Variants in TSPAN5 observed in about 807,000 individuals in gnomAD.
TSPAN5 encodes tetraspanin 5.
TSPAN5 carries 10 observed loss-of-function variants against 37.1 expected under a neutral mutation model. That is an observed-to-expected ratio of 0.27 (90% CI 0.17 to 0.46). TSPAN5 has a LOEUF of 0.46. Ranked by LOEUF, TSPAN5 falls within the 20% of genes least tolerant of loss-of-function variation. The pLI is 1.00. For missense variants in TSPAN5, 195 were observed against 326.6 expected (o/e 0.60, Z 3.11); for synonymous variants, 110 against 118.9 (o/e 0.93, Z 0.48).
intron 2 of TSPAN5, among the ~76,000 whole-genome samples, chr4:98,501,800 C>T (rs1053673726): frequency 3.2e-4 from 48 of 152,322 alleles, no homozygotes; most frequent in African/African-American, 1.1e-3. Flanking sequence ...GATAAGCTCA[C>T]TGGAGGGCTA....
chr4:98,648,917 C>T (rs938842856), intron 1 of TSPAN5, among the ~76,000 whole-genome samples: 5 of 152,202 alleles, frequency 3.3e-5, no homozygotes, highest in African/African-American at 1.2e-4. Flanking sequence ...TGAACCAGAT[C>T]TCCCAGTGGG....
intron 1 of TSPAN5, among the ~76,000 whole-genome samples, chr4:98,604,036 T>C (rs2110224223): frequency 6.6e-6 from 1 of 152,214 alleles, no homozygotes; most frequent in Admixed American, 6.5e-5. Context: ...CCCTGTTTGA[T>C]GCTTACTGAA....
At chr4:98,570,543 T>C (rs865858842) in intron 1 of TSPAN5, among the ~76,000 whole-genome samples, 1 of 152,132 alleles carries the variant, frequency 6.6e-6, no homozygotes, top group East Asian at 1.9e-4. Flanking sequence ...GCCTTGTCTA[T>C]AGGGCATATA....
At chr4:98,581,331 A>G (rs1469652682) in intron 1 of TSPAN5, among the ~76,000 whole-genome samples, 4 of 152,054 alleles carry the variant, frequency 2.6e-5, no homozygotes, top group African/African-American at 9.7e-5. Context: ...CCACCTCAGA[A>G]CTCCCTCACT....
chr4:98,482,274 G>C, intron 3 of TSPAN5, 99 bp from the exon 4 acceptor site: 1 of 1,038,408 alleles, frequency 9.6e-7, no homozygotes, highest in South Asian at 1.6e-5. Flanking sequence ...AATTACATTG[G>C]ATTGTTACAC....
At chr4:98,555,501 A>T (rs886237983) in intron 1 of TSPAN5, among the ~76,000 whole-genome samples, 1 of 151,976 alleles carries the variant, frequency 6.6e-6, no homozygotes, top group Non-Finnish European at 1.5e-5. Flanking sequence ...ATTCCTTCTA[A>T]TTATATCTGT....
intron 1 of TSPAN5, among the ~76,000 whole-genome samples, chr4:98,580,774 A>G (rs891179265): frequency 6.6e-6 from 1 of 152,198 alleles, no homozygotes; most frequent in Non-Finnish European, 1.5e-5. Flanking sequence ...TGCCACTGAG[A>G]CTATTTATAA....
At chr4:98,614,158 C>T (rs1756264686) in intron 1 of TSPAN5, among the ~76,000 whole-genome samples, 1 of 152,200 alleles carries the variant, frequency 6.6e-6, no homozygotes, top group African/African-American at 2.4e-5. Context: ...TTTCAAAAGT[C>T]ATTTGGTGTT....
intron 1 of TSPAN5, among the ~76,000 whole-genome samples, chr4:98,548,150 T>C (rs1362995747): frequency 1.3e-5 from 2 of 152,100 alleles, no homozygotes; most frequent in Admixed American, 6.6e-5. Flanking sequence ...AACCCCCAGT[T>C]AAGTTCCTCA....
At chr4:98,596,665 A>G (rs1193122049) in intron 1 of TSPAN5, among the ~76,000 whole-genome samples, 7 of 67,420 alleles carry the variant, frequency 1.0e-4, no homozygotes, top group African/African-American at 5.3e-4. Context: ...TTGCTTGTCT[A>G]TAAAGTATTT....
Position 98,472,539 on chromosome 4 carries a change from C to T in TSPAN5, c.790G>A (p.Val264Ile), listed in dbSNP as rs1262655383. ...CAGGGGGTCTACCAGCTCGCCCTGA[C>T]AGCTTCGATATCGCTAACCAAATTC... Reference protein sequence around the residue: ...AQNLVSDIEAVRASW With the variant: ...AQNLVSDIEAIRASW Residue 264 changes from valine to isoleucine, a missense_variant, in exon 8 of 8, where the codon GTC (valine) becomes ATC (isoleucine). Transcript: ENST00000305798. 1 of 1,614,028 alleles carries T rather than the reference C, an allele frequency of 6.2e-7. No individual in the cohort carries two copies. Among genetic ancestry groups the T allele is most frequent in the South Asian group, 1.1e-5 (1 of 91,066 alleles).
In TSPAN5 at chr4:98,547,146, G is replaced by T. The variant is rs926378355; in HGVS notation, c.82-39418C>A. ...CCTCGCTCTTCTCTTGTGTGGCAGC[G>T]TCAGGCGGCCCCAGGAGATGCTGAG... On this transcript the variant is annotated intron_variant, in intron 1 of 7. Transcript: ENST00000305798. Among the ~76,000 whole-genome samples the T allele has an allele frequency of 2.6e-5, 4 of 152,200 alleles. 1 individual carries two copies.
chr4:98,514,032 A>AC (rs1456575507), intron 1 of TSPAN5, among the ~76,000 whole-genome samples: 4 of 152,176 alleles, frequency 2.6e-5, no homozygotes, highest in African/African-American at 9.7e-5. Context: ...ATAACAGCAC[A>AC]CAAGGTAAAT....
chr4:98,609,720 C>T (rs1191454523), intron 1 of TSPAN5, among the ~76,000 whole-genome samples: 1 of 152,072 alleles, frequency 6.6e-6, no homozygotes, highest in Non-Finnish European at 1.5e-5. Context: ...GGGTAATGTC[C>T]CAAACTCCTC....
At chr4:98,565,413 A>C (rs2110173827) in intron 1 of TSPAN5, among the ~76,000 whole-genome samples, 1 of 144,962 alleles carries the variant, frequency 6.9e-6, no homozygotes, top group Admixed American at 7.2e-5. Context: ...GCTTTTGAGC[A>C]AATTTTCATC....
intron 1 of TSPAN5, among the ~76,000 whole-genome samples, chr4:98,536,350 T>C (rs1364205561): frequency 6.6e-6 from 1 of 152,176 alleles, no homozygotes; most frequent in East Asian, 1.9e-4. Context: ...GAAGCAAAGA[T>C]TCCTGCCTGA....
intron 1 of TSPAN5, among the ~76,000 whole-genome samples, chr4:98,645,139 TG>T (rs1285398919): frequency 6.6e-6 from 1 of 152,196 alleles, no homozygotes; most frequent in Non-Finnish European, 1.5e-5. Flanking sequence ...TTTCATCCTC[TG>T]GTCTAGTTAA....
chr4:98,642,921 G>A (rs1362138242), intron 1 of TSPAN5, among the ~76,000 whole-genome samples: 1 of 152,138 alleles, frequency 6.6e-6, no homozygotes, highest in East Asian at 1.9e-4. Context: ...GCTAAAAAAA[G>A]GTTAATAAAA....
chr4:98,658,085 G>A, intron 1 of TSPAN5, 61 bp downstream of exon 1: 2 of 1,453,532 alleles, frequency 1.4e-6, no homozygotes, highest in Middle Eastern at 1.7e-4. Flanking sequence ...AACAACGTGG[G>A]GGAAATCGTC....
Sources: gnomAD v4.1 joint callset for allele counts (sites outside exome capture counted in the v4.1 genomes callset) on GRCh38, gnomAD v4.1.1 for gene constraint, MANE v1.5 for transcripts, NCBI Gene and HGNC (gene_info 2026-07-23, HGNC 2026-07-21) for gene names.